The following EDAR variants were observed in gnomAD, a reference collection of about 807,000 sequenced individuals.
The protein encoded by EDAR is ectodysplasin A receptor.
Under a neutral mutation model 51.3 loss-of-function variants are expected in EDAR, and 38 were observed. The observed-to-expected ratio is 0.74, with a 90% CI of 0.57 to 0.97. The LOEUF is 0.97. EDAR is among the 50% of genes least tolerant of loss of function. The probability of loss-of-function intolerance (pLI) is 0.00; values close to 1 mark genes in which losing one functional copy is unlikely to be tolerated. For synonymous variants in EDAR, 227 were observed against 242.1 expected, an observed-to-expected ratio of 0.94 and a Z score of 0.58; for missense variants, 528 against 595.0, an observed-to-expected ratio of 0.89 and a Z score of 1.17.
rs536329204 is a variant in EDAR at position 108,894,800 on chromosome 2, A to G, written c.*2107T>C. 9.2e-5 allele frequency: 14 copies of G among 152,344 alleles called. No homozygotes were observed. In the South Asian group the frequency reaches 2.9e-3, roughly 32 times the overall value. The allele number at this position is 152,344 out of a possible 1,614,324, so 9.4% of individuals were successfully genotyped here. A position where few individuals can be genotyped will look rare whatever the true frequency, so the allele number is the denominator to read the frequency against. On this transcript the variant is annotated 3_prime_UTR_variant, in exon 12 of 12. Coordinates refer to ENST00000258443, the MANE Select transcript of EDAR (RefSeq NM_022336.4). ...GTAACTATATAAGGAATAGCTCCCT[A>G]AAAATGGCAGGTGGAGAGCCAATGG... is the stretch of plus-strand genomic sequence containing the variant.
chr2:108,919,775 G>T (rs987297713), intron 5 of EDAR, among the ~76,000 whole-genome samples: 15 of 151,970 alleles, frequency 9.9e-5, no homozygotes, highest in Non-Finnish European at 2.2e-4. Flanking sequence ...GAGGCTCCGT[G>T]GGGCACCTGC....
At chr2:108,911,142 G>C (rs1218334923) in intron 6 of EDAR, 70 bp from the exon 7 acceptor site, 10 of 1,596,604 alleles carry the variant, frequency 6.3e-6, no homozygotes, top group Middle Eastern at 2.0e-4. Context: ...CCAGGACTCC[G>C]GCCCCTGGAA....
chr2:108,952,657 T>C (rs1266852593), intron 1 of EDAR, among the ~76,000 whole-genome samples: 2 of 152,226 alleles, frequency 1.3e-5, no homozygotes, highest in Non-Finnish European at 2.9e-5. Flanking sequence ...TTAATATGAG[T>C]TATTCTAAAG....
intron 1 of EDAR, among the ~76,000 whole-genome samples, chr2:108,955,548 G>C (rs1437474667): frequency 6.6e-6 from 1 of 151,400 alleles, no homozygotes; most frequent in Non-Finnish European, 1.5e-5. Flanking sequence ...AGGGGTTTGA[G>C]ACCTGCCTGG....
Position 108,911,183 on chromosome 2 carries a change from G to A in EDAR, c.530-111C>T, listed in dbSNP as rs1373452571. Reference sequence around the variant, plus strand: ...GGCCCTGCCCCTGGGATGCTTTCAGGGAACCCTGAAATCTGAGGTGCTTGC... The same window carrying A: ...GGCCCTGCCCCTGGGATGCTTTCAGAGAACCCTGAAATCTGAGGTGCTTGC... On this transcript the variant is annotated intron_variant, in intron 6 of 11. Transcript: ENST00000258443. 4 of 1,373,898 alleles carry A rather than the reference G, an allele frequency of 2.9e-6. No homozygotes were observed. In the Admixed American group the frequency reaches 5.3e-5, roughly 18 times the overall value. 85.1% of individuals were successfully genotyped at this position (1,373,898 alleles called of 1,614,324 possible).
At chr2:108,917,709 G>C (rs1697053518) in intron 5 of EDAR, among the ~76,000 whole-genome samples, 1 of 150,334 alleles carries the variant, frequency 6.7e-6, no homozygotes, top group Non-Finnish European at 1.5e-5. Flanking sequence ...CCTCATGAGG[G>C]TGAGGTCAGC....
At chr2:108,943,882 C>CAT (rs2105478628) in intron 1 of EDAR, among the ~76,000 whole-genome samples, 1 of 152,330 alleles carries the variant, frequency 6.6e-6, no homozygotes, top group South Asian at 2.1e-4. Context: ...TATAACCTTG[C>CAT]ATACCATTTC....
At chr2:108,966,535 CCTG>C (rs1262028540) in intron 1 of EDAR, among the ~76,000 whole-genome samples, 2 of 152,218 alleles carry the variant, frequency 1.3e-5, no homozygotes, top group Non-Finnish European at 2.9e-5. Flanking sequence ...GCTCTTTCAA[CCTG>C]AAGACTATGA....
chr2:108,904,074 A>G (rs1696757966), intron 11 of EDAR, among the ~76,000 whole-genome samples: 1 of 152,208 alleles, frequency 6.6e-6, no homozygotes, highest in Non-Finnish European at 1.5e-5. Flanking sequence ...CCATCATAGG[A>G]CTAGTGTCTA....
chr2:108,936,033 T>G (rs1574390396), intron 1 of EDAR, among the ~76,000 whole-genome samples: 1 of 152,232 alleles, frequency 6.6e-6, no homozygotes, highest in African/African-American at 2.4e-5. Context: ...TCCTCCCTAC[T>G]GGTCACCACC....
chr2:108,914,270 T>A (rs548091154), intron 5 of EDAR, among the ~76,000 whole-genome samples: 98 of 151,100 alleles, frequency 6.5e-4, no homozygotes, highest in African/African-American at 1.6e-3. Flanking sequence ...CAAAAAAAAA[T>A]AAAATAAAAA....
chr2:108,984,467 C>G (rs1241837767), intron 1 of EDAR, among the ~76,000 whole-genome samples: 1 of 152,130 alleles, frequency 6.6e-6, no homozygotes, highest in East Asian at 1.9e-4. Context: ...GTTCTCCTCT[C>G]CTCTCCTTCT....
chr2:108,951,316 C>T (rs1697823052), intron 1 of EDAR, among the ~76,000 whole-genome samples: 1 of 152,172 alleles, frequency 6.6e-6, no homozygotes, highest in Non-Finnish European at 1.5e-5. Context: ...ATTGAAGAAA[C>T]TCTGAACTTA....
At chr2:108,930,893 AG>A (rs753068407) in intron 2 of EDAR, 70 bp downstream of exon 2, 81 of 1,537,376 alleles carry the variant, frequency 5.3e-5, no homozygotes, top group Non-Finnish European at 7.2e-5. Flanking sequence ...TTACAGCTGA[AG>A]AGGCCAAGAA....
intron 1 of EDAR, among the ~76,000 whole-genome samples, chr2:108,957,272 C>T (rs1039501861): frequency 6.6e-6 from 1 of 152,198 alleles, no homozygotes; most frequent in Non-Finnish European, 1.5e-5. Context: ...CTTCGTGAGA[C>T]AGATGAAAGC....
chr2:108,933,636 T>C (rs6761501), intron 1 of EDAR, among the ~76,000 whole-genome samples: 106,199 of 152,124 alleles, frequency 0.7, 38,989 homozygotes, highest in Middle Eastern at 0.83. Context: ...GCCTGCACTT[T>C]AGTGTTGCAT....
intron 1 of EDAR, among the ~76,000 whole-genome samples, chr2:108,980,350 A>T (rs1216960241): frequency 6.6e-6 from 1 of 152,068 alleles, no homozygotes; most frequent in East Asian, 1.9e-4. Flanking sequence ...GAGGCTCTGG[A>T]GAGCAAGGAG....
intron 1 of EDAR, among the ~76,000 whole-genome samples, chr2:108,971,670 G>T (rs1698236412): frequency 1.3e-5 from 2 of 152,228 alleles, no homozygotes; most frequent in South Asian, 4.1e-4. Context: ...GAGGCTGAGA[G>T]ATTTAGAGCA....
At chr2:108,938,028 ATTTAC>A (rs147144557) in intron 1 of EDAR, among the ~76,000 whole-genome samples, 2,230 of 152,336 alleles carry the variant, frequency 0.015, 25 homozygotes, top group South Asian at 0.03. Flanking sequence ...TGAAACACTT[ATTTAC>A]TTCTAGATTT....
Sources: gnomAD v4.1 joint callset for allele counts (sites outside exome capture counted in the v4.1 genomes callset) on GRCh38, gnomAD v4.1.1 for gene constraint, MANE v1.5 for transcripts, NCBI Gene and HGNC (gene_info 2026-07-23, HGNC 2026-07-21) for gene names.